Variants in ASTN2 observed in about 807,000 individuals in gnomAD.
ASTN2 encodes astrotactin 2.
In ASTN2, 54 loss-of-function variants were observed where a neutral mutation model predicts 139.8. That is an observed-to-expected ratio of 0.39 (90% CI 0.31 to 0.48). The LOEUF (loss-of-function observed/expected upper bound fraction) is 0.48. ASTN2 is among the 20% of genes least tolerant of loss of function. The probability of loss-of-function intolerance (pLI) is 0.95; values close to 1 mark genes in which losing one functional copy is unlikely to be tolerated. For missense variants in ASTN2, 1,565 were observed against 1,725.1 expected (o/e 0.91, Z 1.64); for synonymous variants, 756 against 719.5 (o/e 1.05, Z -0.81).
intron 17 of ASTN2, among the ~76,000 whole-genome samples, chr9:116,626,818 G>T (rs1459131830): frequency 6.6e-6 from 1 of 152,148 alleles, no homozygotes; most frequent in Non-Finnish European, 1.5e-5. Context: ...GATGAACACA[G>T]GAAGGATTGA....
intron 2 of ASTN2, among the ~76,000 whole-genome samples, chr9:117,248,545 C>T (rs2133086540): frequency 6.6e-6 from 1 of 152,262 alleles, no homozygotes; most frequent in Non-Finnish European, 1.5e-5. Context: ...GGAGTTAGGT[C>T]AATCCTTAAG....
rs62562211 is a variant in ASTN2, at chr9:117,081,686, C to T, written c.1276+14358G>A. Among the ~76,000 whole-genome samples the T allele has an allele frequency of 2.1e-3, 312 of 152,112 alleles. 1 individual carries two copies. The highest frequency in any genetic ancestry group is 3.4e-3 in the Middle Eastern group (1 of 294). On this transcript the variant is annotated intron_variant, in intron 5 of 22. Transcript: ENST00000313400. The stretch of plus-strand genomic sequence containing the variant: ...ATCAAGTGAGCCCTTAAAAGAGAAT[C>T]GGGCCTTGAAGGAGGGGAGTCAAAG...
intron 10 of ASTN2, among the ~76,000 whole-genome samples, chr9:116,959,684 G>A (rs1455166960): frequency 2.0e-5 from 3 of 152,116 alleles, no homozygotes; most frequent in Non-Finnish European, 2.9e-5. Context: ...CAGATCCATT[G>A]CAAGCTTTAA....
chr9:117,286,601 T>A (rs1367539694), intron 2 of ASTN2, among the ~76,000 whole-genome samples: 1 of 152,214 alleles, frequency 6.6e-6, no homozygotes, highest in Non-Finnish European at 1.5e-5. Flanking sequence ...TAGGGGCCCA[T>A]AATAGCTTGT....
chr9:117,175,007 A>T (rs1177288239), intron 3 of ASTN2, among the ~76,000 whole-genome samples: 1 of 152,092 alleles, frequency 6.6e-6, no homozygotes, highest in South Asian at 2.1e-4. Flanking sequence ...TTCAAATACA[A>T]GATACAAAGA....
chr9:117,312,464 C>T (rs186043792), intron 1 of ASTN2, among the ~76,000 whole-genome samples: 18 of 152,202 alleles, frequency 1.2e-4, no homozygotes, highest in African/African-American at 2.9e-4. Context: ...TTGCTTTCAC[C>T]GGACTTGTTT....
At chr9:116,555,495 A>C (rs1385718313) in intron 19 of ASTN2, among the ~76,000 whole-genome samples, 1 of 152,062 alleles carries the variant, frequency 6.6e-6, no homozygotes, top group Non-Finnish European at 1.5e-5. Flanking sequence ...GTGAATGGGA[A>C]TGGGCTTTCC....
chr9:116,789,920 C>CTTTTTTTTTTTTTTTTT (rs57433960), intron 13 of ASTN2, among the ~76,000 whole-genome samples: 1 of 93,338 alleles, frequency 1.1e-5, no homozygotes, highest in African/African-American at 4.2e-5. Context: ...TTCTCTTTCT[C>CTTTTTTTTTTTTTTTTT]TTTTTTTTTT....
chr9:116,530,937 G>T (rs773366660), intron 19 of ASTN2, among the ~76,000 whole-genome samples: 9 of 152,106 alleles, frequency 5.9e-5, no homozygotes, highest in African/African-American at 9.7e-5. Flanking sequence ...AGCATGACAT[G>T]CAACTGGCAC....
intron 2 of ASTN2, among the ~76,000 whole-genome samples, chr9:117,271,966 G>C (rs147579066): frequency 1.1e-3 from 174 of 152,270 alleles, no homozygotes; most frequent in African/African-American, 4.1e-3. Flanking sequence ...CTGAAGGATG[G>C]TGGCCCTCTT....
At chr9:116,447,544 T>C (rs1377703198) in intron 20 of ASTN2, among the ~76,000 whole-genome samples, 2 of 152,076 alleles carry the variant, frequency 1.3e-5, no homozygotes, top group African/African-American at 4.8e-5. Flanking sequence ...GTTACTAAAA[T>C]GAATGGAATA....
intron 1 of ASTN2, among the ~76,000 whole-genome samples, chr9:117,389,273 C>A (rs755484505): frequency 1.1e-4 from 16 of 152,144 alleles, no homozygotes; most frequent in Non-Finnish European, 1.8e-4. Context: ...CCAACAGTAG[C>A]AGAAGTTGCT....
Position 117,250,055 on chromosome 9 carries a change from T to C in ASTN2, c.631-35313A>G, listed in dbSNP as rs113706810. Among the ~76,000 whole-genome samples, 1,114 of 152,316 alleles carry C rather than the reference T, an allele frequency of 7.3e-3. 9 individuals carry two copies. Among genetic ancestry groups the C allele is most frequent in the African/African-American group, 0.023 (944 of 41,566 alleles). On this transcript the variant is annotated intron_variant, in intron 2 of 22. Transcript: ENST00000313400. ...ATTCTCTAAGCCTGGGGCTTTTCCA[T>C]TGCCCACTGCCCCCGCAGGGACTTC...
At chr9:117,081,156 A>G (rs1828417798) in intron 5 of ASTN2, among the ~76,000 whole-genome samples, 2 of 152,210 alleles carry the variant, frequency 1.3e-5, no homozygotes, top group Non-Finnish European at 2.9e-5. Context: ...GGTACTGCAC[A>G]TTGTTATGCA....
intron 16 of ASTN2, among the ~76,000 whole-genome samples, chr9:116,716,712 T>C (rs1828322655): frequency 6.6e-6 from 1 of 152,172 alleles, no homozygotes; most frequent in Non-Finnish European, 1.5e-5. Flanking sequence ...GACTATGTGA[T>C]TGCTAATGCC....
At chr9:117,095,939 G>C in intron 5 of ASTN2, 105 bp downstream of exon 5, 5 of 1,034,964 alleles carry the variant, frequency 4.8e-6, no homozygotes, top group Non-Finnish European at 7.3e-6. Context: ...ACCAGATGGG[G>C]ACCAGGTTAG....
intron 3 of ASTN2, among the ~76,000 whole-genome samples, chr9:117,142,913 C>T (rs1449438778): frequency 1.3e-5 from 2 of 152,148 alleles, no homozygotes; most frequent in South Asian, 2.1e-4. Flanking sequence ...GAGCTACCTG[C>T]TGTCTGATGC....
chr9:117,147,464 C>CACA (rs58379572), intron 3 of ASTN2, among the ~76,000 whole-genome samples: 45 of 146,378 alleles, frequency 3.1e-4, no homozygotes, highest in African/African-American at 1.1e-3. Context: ...CACACACACA[C>CACA]CCCCGTTATC....
chr9:117,061,045 T>C (rs1839274696), intron 5 of ASTN2, among the ~76,000 whole-genome samples: 3 of 152,192 alleles, frequency 2.0e-5, no homozygotes, highest in Admixed American at 1.3e-4. Flanking sequence ...GTTGGAATCA[T>C]GGGGCTGAAA....
Sources: allele counts gnomAD v4.1 joint callset (sites outside exome capture counted in the v4.1 genomes callset), GRCh38; gene constraint gnomAD v4.1.1; transcripts MANE v1.5; gene names NCBI Gene and HGNC (gene_info 2026-07-23, HGNC 2026-07-21).